ZFP90: variants seen among roughly 807,000 people sequenced by gnomAD.
The protein encoded by ZFP90 is ZFP90 zinc finger protein, also known as zinc finger protein 90 homolog.
A neutral mutation model predicts 60.8 loss-of-function variants in ZFP90; 38 were observed. That is an observed-to-expected ratio of 0.62 (90% CI 0.48 to 0.82). ZFP90 has a LOEUF of 0.82. ZFP90 is among the 40% of genes least tolerant of loss of function. ZFP90 has a pLI of 0.00. For synonymous variants in ZFP90, 287 were observed against 264.8 expected (o/e 1.08, Z -0.82); for missense variants, 711 against 759.1 (o/e 0.94, Z 0.74).
intron 2 of ZFP90, among the ~76,000 whole-genome samples, chr16:68,550,067 G>GTGT (rs1333554467): frequency 2.0e-5 from 3 of 152,118 alleles, no homozygotes; most frequent in Non-Finnish European, 4.4e-5. Context: ...CACATTCCAT[G>GTGT]TGTAATTTTA....
At chr16:68,575,863 A>G in exon 3 of ZFP90, 1 of 398,458 alleles carries the variant, frequency 2.5e-6, no homozygotes, top group East Asian at 3.6e-5. Context: ...CTTCCAAGAA[A>G]GAATCCTGAG....
chr16:68,567,339 G>A (rs1453427312), downstream of ZFP90, among the ~76,000 whole-genome samples: 1 of 152,150 alleles, frequency 6.6e-6, no homozygotes, highest in Non-Finnish European at 1.5e-5. Context: ...CGGTGTGGTG[G>A]TAGTTCTTGT....
chr16:68,572,023 TAACA>T (rs2091571556), downstream of ZFP90, among the ~76,000 whole-genome samples: 1 of 152,164 alleles, frequency 6.6e-6, no homozygotes, highest in Admixed American at 6.5e-5. Flanking sequence ...CATACTTTTT[TAACA>T]AACACTTTTT....
chr16:68,539,609 G>C, intron 1 of ZFP90, 130 bp downstream of exon 1: 1 of 609,556 alleles, frequency 1.6e-6, no homozygotes, highest in Non-Finnish European at 2.7e-6. Context: ...TTTCATTTCG[G>C]GGATGGGGAG....
rs774730947 is a variant in ZFP90, at chr16:68,539,760, C to G, written c.-33C>G. The G allele has an allele frequency of 3.2e-6, 5 of 1,565,314 alleles. No homozygotes were observed. The highest frequency in any genetic ancestry group is 2.7e-5 in the African/African-American group (2 of 74,184). On this transcript the variant is annotated splice_region_variant and 5_prime_UTR_variant, in exon 2 of 5. Coordinates refer to ENST00000563169, the MANE Select transcript of ZFP90 (RefSeq NM_001305203.2). ...TGGGCCCTGTCCTTTCTCCCCAGCT[C>G]CTGCCCCGGAGCCGGGCCCTGGCGA...
At chr16:68,534,233 C>CTTT (rs869142804) in intron 2 of ZFP90, among the ~76,000 whole-genome samples, 2 of 141,476 alleles carry the variant, frequency 1.4e-5, no homozygotes, top group Admixed American at 7.1e-5. Context: ...TTCTTTCTTT[C>CTTT]TTTTTTTTTT....
intron 1 of ZFP90, 93 bp from the exon 2 acceptor site, chr16:68,539,664 TG>T: frequency 1.1e-6 from 1 of 921,324 alleles, no homozygotes; most frequent in Non-Finnish European, 1.5e-6. Context: ...CCATCTCCCC[TG>T]GAGATGTGGT....
At chr16:68,541,586 C>T (rs368096632) in intron 2 of ZFP90, among the ~76,000 whole-genome samples, 1 of 152,052 alleles carries the variant, frequency 6.6e-6, no homozygotes, top group Admixed American at 6.5e-5. Context: ...CGTGAGCCAC[C>T]GGGCCCGGCC....
upstream of ZFP90, among the ~76,000 whole-genome samples, chr16:68,537,725 C>A (rs933139339): frequency 6.6e-6 from 1 of 152,062 alleles, no homozygotes; most frequent in Non-Finnish European, 1.5e-5. Context: ...ACTATTGCAA[C>A]CAGTTAATGT....
chr16:68,542,251 A>C (rs1003999672), intron 2 of ZFP90, among the ~76,000 whole-genome samples: 1 of 152,170 alleles, frequency 6.6e-6, no homozygotes, highest in African/African-American at 2.4e-5. Context: ...GGACCAGGAC[A>C]TTCTGCCGGT....
In ZFP90 at chr16:68,563,775, C is replaced by T. The variant is rs765122222; in HGVS notation, c.988C>T (p.Arg330Ter). ...CAGCTCCTCCCTTGTTCAACACCAG[C>T]GAATTCACACTGGAGAGAAACCCTA... is the stretch of plus-strand genomic sequence containing the variant. ...QRSSSLVQHQ[R>*]IHTGEKPYRC... Residue 330 changes from arginine (R) to a stop codon, truncating the protein, a stop_gained, in exon 5 of 5, where the codon CGA becomes TGA. Transcript: ENST00000563169. LOFTEE classifies it high-confidence loss of function. 5 of 1,613,942 alleles carry T rather than the reference C, an allele frequency of 3.1e-6. No individual in the cohort carries two copies. The highest frequency in any genetic ancestry group is 1.7e-5 in the Admixed American group (1 of 59,966).
chr16:68,534,080 T>G (rs1306993597), intron 2 of ZFP90, among the ~76,000 whole-genome samples: 2 of 152,112 alleles, frequency 1.3e-5, no homozygotes, highest in African/African-American at 4.8e-5. Context: ...TTGTTATAGC[T>G]CTCTGCCTTT....
chr16:68,541,888 T>C (rs1413458054), intron 2 of ZFP90, among the ~76,000 whole-genome samples: 1 of 152,210 alleles, frequency 6.6e-6, no homozygotes, highest in Non-Finnish European at 1.5e-5. Flanking sequence ...TAAGGACCAC[T>C]GTAAACTTGA....
At chr16:68,568,271 T>C (rs778499277), downstream of ZFP90, among the ~76,000 whole-genome samples, 25 of 152,192 alleles carry the variant, frequency 1.6e-4, no homozygotes, top group African/African-American at 5.6e-4. Flanking sequence ...AAGTGAGCAA[T>C]TGAGTGGAGA....
Position 68,575,048 on chromosome 16 carries a change from T to C in ZFP90, c.224-743T>C, listed in dbSNP as rs141811373. ...CCAGATGAAGACACCCTCAGGAAAATGTTGAACTGGGGAAAATAAGCTGTG... is the reference window on the plus strand; with the variant it reads ...CCAGATGAAGACACCCTCAGGAAAACGTTGAACTGGGGAAAATAAGCTGTG... On this transcript the variant is annotated intron_variant, in intron 2 of 2. Coordinates refer to the ZFP90 transcript ENST00000573113. Among the ~76,000 whole-genome samples the C allele has an allele frequency of 2.9e-4, 44 of 151,404 alleles. 1 individual carries two copies. The highest frequency in any genetic ancestry group is 9.7e-4 in the African/African-American group (40 of 41,200).
At chr16:68,546,445 C>T (rs945772270) in intron 2 of ZFP90, among the ~76,000 whole-genome samples, 5 of 152,166 alleles carry the variant, frequency 3.3e-5, no homozygotes. Flanking sequence ...CGTGCAACTA[C>T]CATTCTGCTT....
At chr16:68,554,120 G>T (rs915845192) in intron 2 of ZFP90, among the ~76,000 whole-genome samples, 18 of 117,450 alleles carry the variant, frequency 1.5e-4, no homozygotes, top group African/African-American at 5.0e-4. Flanking sequence ...GTTGTGTTTT[G>T]TTTTGTTTTT....
In ZFP90 at chr16:68,564,967, T is replaced by C; in HGVS notation, c.*269T>C. 2 of 1,151,442 alleles carry C rather than the reference T, an allele frequency of 1.7e-6. No individual in the cohort carries two copies. The highest frequency in any genetic ancestry group is 1.6e-5 in the African/African-American group (1 of 62,482). 71.3% of individuals were successfully genotyped at this position (1,151,442 alleles called of 1,614,324 possible). A position where few individuals can be genotyped will look rare whatever the true frequency, so the allele number is the denominator to read the frequency against. ...GTTGGACTTTGCTTTTGAATATATG[T>C]ATGCAGGATATCATCAAGTTTCAAC... is the stretch of plus-strand genomic sequence containing the variant. On this transcript the variant is annotated 3_prime_UTR_variant, in exon 5 of 5. Coordinates refer to ENST00000563169, the MANE Select transcript of ZFP90 (RefSeq NM_001305203.2).
chr16:68,555,056 TTTC>T (rs1223659832), intron 2 of ZFP90: 1 of 152,246 alleles, frequency 6.6e-6, no homozygotes, highest in Non-Finnish European at 1.5e-5. Context: ...ATTCCCACAT[TTTC>T]TTCTTCCATG....
Sources: allele counts gnomAD v4.1 joint callset (sites outside exome capture counted in the v4.1 genomes callset), GRCh38; gene constraint gnomAD v4.1.1; transcripts MANE v1.5; gene names NCBI Gene and HGNC (gene_info 2026-07-23, HGNC 2026-07-21).